CDKL3: variants seen among roughly 807,000 people sequenced by gnomAD.
The protein encoded by CDKL3 is cyclin dependent kinase like 3, also known as cyclin-dependent kinase-like 3.
A neutral mutation model predicts 69.3 loss-of-function variants in CDKL3; 65 were observed. The observed-to-expected ratio is 0.94, with a 90% confidence interval of 0.77 to 1.15. CDKL3 has a LOEUF of 1.15. CDKL3 is among the 50% of genes most tolerant of loss of function. The pLI is 0.00. For missense variants in CDKL3, 652 were observed against 689.2 expected (o/e 0.95, Z 0.61); for synonymous variants, 202 against 221.6 (o/e 0.91, Z 0.79).
intron 4 of CDKL3, among the ~76,000 whole-genome samples, chr5:134,345,153 G>C (rs551927510): frequency 6.6e-6 from 1 of 152,182 alleles, no homozygotes; most frequent in East Asian, 1.9e-4. Flanking sequence ...AGGTATAGGG[G>C]TGTCATAGAT....
chr5:134,350,701 T>C (rs1753030943), intron 3 of CDKL3, among the ~76,000 whole-genome samples: 1 of 151,102 alleles, frequency 6.6e-6, no homozygotes, highest in South Asian at 2.1e-4. Context: ...TTAATGAGGC[T>C]GGGAGTGGTG....
chr5:134,316,495 G>A (rs1053523658), intron 6 of CDKL3, among the ~76,000 whole-genome samples: 1 of 152,014 alleles, frequency 6.6e-6, no homozygotes, highest in Admixed American at 6.6e-5. Flanking sequence ...CTACCTGGGA[G>A]GCTGAGGCAG....
At chr5:134,335,847 T>C (rs1218672141) in intron 4 of CDKL3, among the ~76,000 whole-genome samples, 2 of 152,170 alleles carry the variant, frequency 1.3e-5, no homozygotes, top group African/African-American at 4.8e-5. Context: ...TCTCTGTATT[T>C]CCAAATTTGA....
downstream of CDKL3, among the ~76,000 whole-genome samples, chr5:134,284,278 G>C (rs1204235817): frequency 6.6e-6 from 1 of 152,168 alleles, no homozygotes; most frequent in African/African-American, 2.4e-5. Context: ...GGGCCTCCGG[G>C]GGTGACATCA....
chr5:134,365,659 A>G (rs114827463), intron 2 of CDKL3, among the ~76,000 whole-genome samples: 1 of 152,300 alleles, frequency 6.6e-6, no homozygotes, highest in African/African-American at 2.4e-5. Context: ...TACAAAATCA[A>G]GTTTTGACTC....
intron 7 of CDKL3, among the ~76,000 whole-genome samples, chr5:134,310,553 T>C (rs1769169625): frequency 6.6e-6 from 1 of 152,020 alleles, no homozygotes; most frequent in Non-Finnish European, 1.5e-5. Flanking sequence ...AGTGGTGTGA[T>C]CTCAGCTCAC....
downstream of CDKL3, chr5:134,286,397 AT>A (rs1344117250): frequency 1.1e-5 from 2 of 175,900 alleles, no homozygotes; most frequent in South Asian, 1.1e-4. Context: ...ACTTTCCCAC[AT>A]TTTCCTGTCT....
chr5:134,295,354 T>C (rs935563435), downstream of CDKL3, among the ~76,000 whole-genome samples: 3 of 152,092 alleles, frequency 2.0e-5, no homozygotes, highest in African/African-American at 7.2e-5. Flanking sequence ...AATTGATGCA[T>C]AGATTTAAAA....
Position 134,312,290 on chromosome 5 carries a change from AC to A in CDKL3, c.881+1del. On this transcript the variant is annotated splice_donor_variant, in intron 7 of 12. Transcript: ENST00000265334. LOFTEE classifies it high-confidence loss of function. ...AAACCCACATTCACTCAAAATGCTT[AC>A]TTTTCAATAAATCCATCTCTAGTAA... 6.5e-7 allele frequency: 1 copy of A among 1,549,620 alleles called. No homozygotes were observed. The highest frequency in any genetic ancestry group is 8.8e-7 in the Non-Finnish European group (1 of 1,134,498).
chr5:134,361,852 C>T (rs1449587846), intron 2 of CDKL3, among the ~76,000 whole-genome samples: 3 of 152,044 alleles, frequency 2.0e-5, no homozygotes, highest in African/African-American at 7.2e-5. Context: ...TGCAGTGAGC[C>T]GAGATTGTGC....
downstream of CDKL3, among the ~76,000 whole-genome samples, chr5:134,285,588 G>A (rs537903611): frequency 1.8e-4 from 28 of 152,330 alleles, no homozygotes; most frequent in Admixed American, 5.9e-4. Context: ...AGGGGCTGCC[G>A]CAAACGTCTC....
chr5:134,332,431 TAC>T (rs562980948), intron 4 of CDKL3, among the ~76,000 whole-genome samples: 55 of 152,290 alleles, frequency 3.6e-4, no homozygotes, highest in African/African-American at 1.2e-3. Context: ...TTTTAGGTCT[TAC>T]ATTTAAGTCT....
chr5:134,328,008 C>G (rs868681264), intron 4 of CDKL3, among the ~76,000 whole-genome samples: 5 of 152,088 alleles, frequency 3.3e-5, no homozygotes, highest in Non-Finnish European at 5.9e-5. Context: ...ATGATACAAA[C>G]AAGCAAATAA....
chr5:134,308,826 C>T, intron 7 of CDKL3, 99 bp from the exon 8 acceptor site: 1 of 1,023,502 alleles, frequency 9.8e-7, no homozygotes, highest in African/African-American at 1.6e-5. Flanking sequence ...TACATTTCAG[C>T]TACAGCATAA....
chr5:134,346,434 C>T (rs1292466914), intron 4 of CDKL3, among the ~76,000 whole-genome samples: 1 of 152,180 alleles, frequency 6.6e-6, no homozygotes, highest in Non-Finnish European at 1.5e-5. Flanking sequence ...TTTTCTCTTG[C>T]TAACCTATCT....
chr5:134,350,553 GATTA>G lies in CDKL3; in HGVS notation c.361-130_361-127del, dbSNP rs1752995122. 8 of 639,742 alleles carry G rather than the reference GATTA, an allele frequency of 1.3e-5. No individual in the cohort carries two copies. The South Asian group carries it at 1.5e-4, about 12-fold the overall frequency. The allele number at this position is 639,742 out of a possible 1,614,324, so 39.6% of individuals were successfully genotyped here. ...AGCTATTTCCTTACCACATGCAAAG[GATTA>G]ATTACACAATGCAAATATAGTTATA... On this transcript the variant is annotated intron_variant, in intron 3 of 12. Transcript: ENST00000265334.
chr5:134,344,129 T>C (rs1751222576), intron 4 of CDKL3, among the ~76,000 whole-genome samples: 1 of 152,192 alleles, frequency 6.6e-6, no homozygotes, highest in Non-Finnish European at 1.5e-5. Flanking sequence ...ACTCTTACCT[T>C]ATAGCATATA....
At chr5:134,360,285 A>G (rs1418932062) in intron 2 of CDKL3, among the ~76,000 whole-genome samples, 194 bp from the exon 3 acceptor site, 3 of 151,686 alleles carry the variant, frequency 2.0e-5, no homozygotes, top group South Asian at 2.1e-4. Context: ...GCTCAGTGCA[A>G]CCTCCACCAC....
chr5:134,363,259 T>C (rs1026770607), intron 2 of CDKL3, among the ~76,000 whole-genome samples: 3 of 152,138 alleles, frequency 2.0e-5, no homozygotes, highest in Non-Finnish European at 4.4e-5. Context: ...ACATCTTTAC[T>C]GACTCACTTT....
Sources: gnomAD v4.1 joint callset for allele counts (sites outside exome capture counted in the v4.1 genomes callset) on GRCh38, gnomAD v4.1.1 for gene constraint, MANE v1.5 for transcripts, NCBI Gene and HGNC (gene_info 2026-07-23, HGNC 2026-07-21) for gene names.